The following ANTXR1 variants were observed in gnomAD, a reference collection of about 807,000 sequenced individuals.
ANTXR1 encodes anthrax toxin receptor 1.
A neutral mutation model predicts 78.1 loss-of-function variants in ANTXR1; 19 were observed. The ratio of observed to expected loss-of-function variants is 0.24; its 90% CI spans 0.17 to 0.36. The LOEUF is 0.36. ANTXR1 is among the 10% of genes least tolerant of loss of function. The probability of loss-of-function intolerance (pLI) is 1.00; values close to 1 mark genes in which losing one functional copy is unlikely to be tolerated. For synonymous variants in ANTXR1, 273 were observed against 260.5 expected (o/e 1.05, Z -0.46); for missense variants, 518 against 718.6 (o/e 0.72, Z 3.19).
intron 10 of ANTXR1, among the ~76,000 whole-genome samples, chr2:69,111,467 C>T (rs1380567522): frequency 2.6e-5 from 4 of 152,166 alleles, no homozygotes; most frequent in African/African-American, 9.7e-5. Flanking sequence ...TGAGGTATGA[C>T]TATAAACAAA....
chr2:69,224,830 C>T (rs4854557), intron 17 of ANTXR1, among the ~76,000 whole-genome samples: 54,363 of 152,062 alleles, frequency 0.36, 11,914 homozygotes, highest in East Asian at 0.68. Flanking sequence ...TTAATATTTG[C>T]GCTTAGTCCA....
At chr2:69,103,938 A>ATTTTTT (rs72060440) in intron 10 of ANTXR1, among the ~76,000 whole-genome samples, 4 of 133,916 alleles carry the variant, frequency 3.0e-5, no homozygotes, top group African/African-American at 5.8e-5. Flanking sequence ...CTGATAGCCT[A>ATTTTTT]TTTTTTTTTT....
chr2:69,055,852 A>T (rs947977971), intron 3 of ANTXR1, among the ~76,000 whole-genome samples: 5 of 152,324 alleles, frequency 3.3e-5, no homozygotes, highest in Admixed American at 2.6e-4. Flanking sequence ...GAAAACACAG[A>T]CTTTGGACCA....
chr2:69,193,110 G>A (rs942357019), intron 16 of ANTXR1, among the ~76,000 whole-genome samples: 5 of 152,070 alleles, frequency 3.3e-5, no homozygotes, highest in African/African-American at 7.2e-5. Context: ...CTCAGGGTGC[G>A]TCCTTCACAA....
chr2:69,151,082 C>A (rs185306026), intron 12 of ANTXR1, among the ~76,000 whole-genome samples: 1 of 151,208 alleles, frequency 6.6e-6, no homozygotes, highest in Non-Finnish European at 1.5e-5. Flanking sequence ...TAACCGATTG[C>A]GTAGTAATTC....
At chr2:69,046,775 G>T (rs1228241487) in intron 3 of ANTXR1, among the ~76,000 whole-genome samples, 1 of 152,154 alleles carries the variant, frequency 6.6e-6, no homozygotes, top group African/African-American at 2.4e-5. Flanking sequence ...CAGTGTTTTA[G>T]TTGGGCACAG....
At chr2:69,146,609 G>A (rs1030420982) in intron 12 of ANTXR1, among the ~76,000 whole-genome samples, 1 of 152,236 alleles carries the variant, frequency 6.6e-6, no homozygotes, top group African/African-American at 2.4e-5. Context: ...GCTGTCATCT[G>A]CGTCATAAAG....
chr2:69,059,653 T>A (rs984285671), intron 3 of ANTXR1, among the ~76,000 whole-genome samples: 1 of 152,190 alleles, frequency 6.6e-6, no homozygotes, highest in African/African-American at 2.4e-5. Flanking sequence ...TAATTTGAAG[T>A]ATGTACTTTT....
chr2:69,033,457 G>C (rs897685626), intron 1 of ANTXR1, among the ~76,000 whole-genome samples: 1 of 152,200 alleles, frequency 6.6e-6, no homozygotes, highest in African/African-American at 2.4e-5. Flanking sequence ...AAGAGTAGAA[G>C]CAAAATAAGA....
chr2:69,151,121 TG>T (rs1414445401), intron 12 of ANTXR1, among the ~76,000 whole-genome samples: 1 of 152,022 alleles, frequency 6.6e-6, no homozygotes, highest in African/African-American at 2.4e-5. Context: ...TTTCCCCAAT[TG>T]TTAACCATTT....
At chr2:69,072,545 C>A (rs1208896915) in intron 5 of ANTXR1, among the ~76,000 whole-genome samples, 1 of 152,198 alleles carries the variant, frequency 6.6e-6, no homozygotes, top group African/African-American at 2.4e-5. Flanking sequence ...GTTTTGCCAA[C>A]TGCTATAATT....
At chr2:69,036,219 T>TTA (rs1184991659) in intron 1 of ANTXR1, among the ~76,000 whole-genome samples, 2 of 152,216 alleles carry the variant, frequency 1.3e-5, no homozygotes, top group Non-Finnish European at 2.9e-5. Context: ...TTTCCTGATT[T>TTA]TATTCTTTTA....
At chr2:69,110,540 T>C (rs1391306817) in intron 10 of ANTXR1, among the ~76,000 whole-genome samples, 1 of 152,108 alleles carries the variant, frequency 6.6e-6, no homozygotes, top group Non-Finnish European at 1.5e-5. Flanking sequence ...ATGTTAATAA[T>C]ATGGCAAAAA....
chr2:69,152,099 G>C (rs1186738092), intron 12 of ANTXR1, 70 bp from the exon 13 acceptor site: 3 of 1,433,170 alleles, frequency 2.1e-6, no homozygotes, highest in Non-Finnish European at 2.9e-6. Flanking sequence ...TATCAGTGAT[G>C]GGAGTTTGGG....
At chr2:69,105,956 A>T (rs1330098853) in intron 10 of ANTXR1, among the ~76,000 whole-genome samples, 1 of 152,256 alleles carries the variant, frequency 6.6e-6, no homozygotes, top group Non-Finnish European at 1.5e-5. Context: ...TCAAAAGAAC[A>T]AATTAAAAAT....
At chr2:69,186,357 A>G (rs954958522) in intron 16 of ANTXR1, among the ~76,000 whole-genome samples, 1 of 152,246 alleles carries the variant, frequency 6.6e-6, no homozygotes, top group Admixed American at 6.5e-5. Flanking sequence ...CCTATTTTAC[A>G]TGATGTTCGA....
intron 1 of ANTXR1, among the ~76,000 whole-genome samples, chr2:69,023,443 G>T (rs1671253023): frequency 6.6e-6 from 1 of 151,480 alleles, no homozygotes. Context: ...TGATGATAAT[G>T]GTAGTAGTGA....
intron 17 of ANTXR1, among the ~76,000 whole-genome samples, chr2:69,194,571 G>T (rs940566628): frequency 6.6e-6 from 1 of 152,190 alleles, no homozygotes; most frequent in African/African-American, 2.4e-5. Flanking sequence ...TGCTCAATCA[G>T]GATGGGCACC....
chr2:69,023,703 T>C (rs1437405217), intron 1 of ANTXR1, among the ~76,000 whole-genome samples: 5 of 152,166 alleles, frequency 3.3e-5, no homozygotes, highest in Non-Finnish European at 5.9e-5. Context: ...AAAAAATGCC[T>C]AAAACAAGTG....
Sources: allele counts gnomAD v4.1 joint callset (sites outside exome capture counted in the v4.1 genomes callset), GRCh38; gene constraint gnomAD v4.1.1; transcripts MANE v1.5; gene names NCBI Gene and HGNC (gene_info 2026-07-23, HGNC 2026-07-21).